ZNRF1: variants seen among roughly 807,000 people sequenced by gnomAD.
The protein encoded by ZNRF1 is zinc and ring finger 1.
A neutral mutation model predicts 18.4 loss-of-function variants in ZNRF1; 3 were observed. The observed-to-expected ratio is 0.16, with a 90% CI of 0.07 to 0.42. The LOEUF is 0.42. Ranked by LOEUF, ZNRF1 falls within the 10% of genes least tolerant of loss-of-function variation. The pLI is 0.99. For missense variants in ZNRF1, 310 were observed against 329.8 expected, an observed-to-expected ratio of 0.94 and a Z score of 0.47; for synonymous variants, 157 against 144.2, an observed-to-expected ratio of 1.09 and a Z score of -0.64.
In ZNRF1 at chr16:75,060,417, C is replaced by A. The variant is rs372659102; in HGVS notation, c.425-33155C>A. Among the ~76,000 whole-genome samples, 11 of 149,960 alleles carry A rather than the reference C, an allele frequency of 7.3e-5. 2 individuals carry two copies. Among genetic ancestry groups the A allele is most frequent in the East Asian group, 4.0e-4 (2 of 5,038 alleles). The stretch of plus-strand genomic sequence containing the variant: ...AGGAGCAGGGAAATATATCCTATCT[C>A]TACATTTGAGCACAATGACCATGAA... On this transcript the variant is annotated intron_variant, in intron 1 of 4. Coordinates refer to ENST00000335325, the MANE Select transcript of ZNRF1 (RefSeq NM_032268.5).
intron 1 of ZNRF1, among the ~76,000 whole-genome samples, chr16:75,054,131 G>C (rs959337341): frequency 1.3e-5 from 2 of 152,204 alleles, no homozygotes; most frequent in African/African-American, 4.8e-5. Context: ...CGTGGTTCCT[G>C]TGAAAAAGGC....
At chr16:75,055,957 A>G (rs1450160021) in intron 1 of ZNRF1, among the ~76,000 whole-genome samples, 1 of 152,184 alleles carries the variant, frequency 6.6e-6, no homozygotes, top group Non-Finnish European at 1.5e-5. Flanking sequence ...CCAACCAGTG[A>G]TCCAAGCTAT....
intron 1 of ZNRF1, among the ~76,000 whole-genome samples, chr16:75,063,263 G>A (rs1010747212): frequency 6.6e-6 from 1 of 152,190 alleles, no homozygotes; most frequent in Non-Finnish European, 1.5e-5. Context: ...AAAGCCCCAG[G>A]TCATTCCTCC....
intron 1 of ZNRF1, among the ~76,000 whole-genome samples, chr16:75,065,592 C>G (rs1285237826): frequency 1.3e-5 from 2 of 152,064 alleles, no homozygotes; most frequent in African/African-American, 4.8e-5. Flanking sequence ...AGGTCTTATC[C>G]CTTCTTCTGC....
chr16:75,057,566 C>G (rs973790596), intron 1 of ZNRF1, among the ~76,000 whole-genome samples: 1 of 152,150 alleles, frequency 6.6e-6, no homozygotes, highest in African/African-American at 2.4e-5. Flanking sequence ...GCCTCAGGAT[C>G]GTCATAACAG....
rs2034810511 is a variant in ZNRF1 at position 74,999,657 on chromosome 16, G to A, written c.-15G>A. The stretch of plus-strand genomic sequence containing the variant: ...TCGGCCTCCAGGTTCCCGCCCCACC[G>A]GGGCCCGGGCGAGCATGGGGGGCAA... On this transcript the variant is annotated 5_prime_UTR_variant, in exon 1 of 5. Transcript: ENST00000335325. 1 of 1,329,260 alleles carries A rather than the reference G, an allele frequency of 7.5e-7. No individual in the cohort carries two copies. The highest frequency in any genetic ancestry group is 9.6e-7 in the Non-Finnish European group (1 of 1,045,844). 82.3% of individuals were successfully genotyped at this position (1,329,260 alleles called of 1,614,324 possible).
rs1173627213 is a variant in ZNRF1, at chr16:75,073,138, C to CTGTCTG, written c.425-20433_425-20432insGTCTGT. 6.1e-5 allele frequency among the ~76,000 whole-genome samples: 8 copies of CTGTCTG among 130,282 alleles called. No individual in the cohort carries two copies. The South Asian group carries it at 1.9e-3, about 31-fold the overall frequency. 85.5% of individuals were successfully genotyped at this position (130,282 alleles called of 152,430 possible). A position where few individuals can be genotyped will look rare whatever the true frequency, so the allele number is the denominator to read the frequency against. On this transcript the variant is annotated intron_variant, in intron 1 of 4. Transcript: ENST00000335325. ...ACCCCATCTCTCTCTCTCTCTCTCT[C>CTGTCTG]TCTCTCTCTCTCTCTGTCTCTCTGT...
chr16:75,022,079 C>T (rs2035157995), intron 1 of ZNRF1, among the ~76,000 whole-genome samples: 1 of 152,156 alleles, frequency 6.6e-6, no homozygotes, highest in African/African-American at 2.4e-5. Context: ...GTCCATCCAT[C>T]CGTCTCGCTC....
chr16:75,033,222 A>C (rs1223471236), intron 1 of ZNRF1, among the ~76,000 whole-genome samples: 2 of 151,226 alleles, frequency 1.3e-5, no homozygotes, highest in African/African-American at 4.9e-5. Context: ...CAGGCTTTCA[A>C]ATTTCCATAT....
chr16:75,071,877 C>T (rs1364614006), intron 1 of ZNRF1, among the ~76,000 whole-genome samples: 1 of 152,142 alleles, frequency 6.6e-6, no homozygotes, highest in Non-Finnish European at 1.5e-5. Flanking sequence ...CGACCTGCAA[C>T]TCTTTCCTTT....
intron 2 of ZNRF1, among the ~76,000 whole-genome samples, chr16:75,096,059 CACGT>C (rs879321938): frequency 0.035 from 2,169 of 61,760 alleles, 38 homozygotes; most frequent in South Asian, 0.14. Flanking sequence ...TGTATGTGTG[CACGT>C]GTGTGTGTGT....
chr16:75,036,741 G>A (rs2035380652), intron 1 of ZNRF1, among the ~76,000 whole-genome samples: 1 of 152,090 alleles, frequency 6.6e-6, no homozygotes, highest in South Asian at 2.1e-4. Context: ...TGTGATAACT[G>A]GGTAAAGATT....
intron 1 of ZNRF1, among the ~76,000 whole-genome samples, chr16:75,048,353 T>C (rs539761474): frequency 1.1e-4 from 17 of 152,276 alleles, no homozygotes; most frequent in African/African-American, 4.1e-4. Context: ...TTTTCAAATA[T>C]AGTCACATTC....
intron 1 of ZNRF1, among the ~76,000 whole-genome samples, chr16:75,080,577 G>T (rs1216663127): frequency 6.6e-6 from 1 of 152,160 alleles, no homozygotes; most frequent in African/African-American, 2.4e-5. Context: ...TAGATTCTCT[G>T]TGAAAGTTTC....
chr16:75,057,150 C>A (rs1413303414), intron 1 of ZNRF1, among the ~76,000 whole-genome samples: 1 of 152,166 alleles, frequency 6.6e-6, no homozygotes, highest in South Asian at 2.1e-4. Context: ...TCAGGTACTA[C>A]CGGGGCATCT....
chr16:75,091,005 C>T lies in ZNRF1; in HGVS notation c.425-2567C>T, dbSNP rs200751868. Among the ~76,000 whole-genome samples, 8 of 152,278 alleles carry T rather than the reference C, an allele frequency of 5.3e-5. No homozygotes were observed. The East Asian group carries it at 1.5e-3, about 29-fold the overall frequency. ...AGCTCAAGTGATTTCCCCACCTTGG[C>T]CTCCTAAAGTGCTGGGATTACAGGC... On this transcript the variant is annotated intron_variant, in intron 1 of 4. Transcript: ENST00000335325.
chr16:75,073,065 G>A (rs1316187470), intron 1 of ZNRF1, among the ~76,000 whole-genome samples: 1 of 151,572 alleles, frequency 6.6e-6, no homozygotes, highest in Non-Finnish European at 1.5e-5. Flanking sequence ...AAGGTGGGAG[G>A]AATGCTTGAG....
At chr16:75,047,756 G>C (rs554068556) in intron 1 of ZNRF1, among the ~76,000 whole-genome samples, 6 of 152,178 alleles carry the variant, frequency 3.9e-5, no homozygotes, top group African/African-American at 1.4e-4. Context: ...ACTTTGCTAG[G>C]GCTGCTGTAC....
intron 1 of ZNRF1, among the ~76,000 whole-genome samples, chr16:75,032,544 A>G (rs1290679913): frequency 6.6e-6 from 1 of 152,174 alleles, no homozygotes; most frequent in Non-Finnish European, 1.5e-5. Flanking sequence ...CAAAAAACAA[A>G]CAAACAACAA....
Sources: gnomAD v4.1 joint callset for allele counts (sites outside exome capture counted in the v4.1 genomes callset) on GRCh38, gnomAD v4.1.1 for gene constraint, MANE v1.5 for transcripts, NCBI Gene and HGNC (gene_info 2026-07-23, HGNC 2026-07-21) for gene names.